MTX2: variants seen among roughly 807,000 people sequenced by gnomAD.
MTX2 encodes metaxin 2.
Under a neutral mutation model 42.3 loss-of-function variants are expected in MTX2, and 35 were observed. The observed-to-expected ratio is 0.83, with a 90% CI of 0.63 to 1.10. MTX2 has a LOEUF of 1.10. MTX2 is among the 50% of genes least tolerant of loss of function. The pLI is 0.00. For missense variants in MTX2, 307 were observed against 304.1 expected (o/e 1.01, Z -0.07); for synonymous variants, 119 against 100.9 (o/e 1.18, Z -1.08).
intron 9 of MTX2, among the ~76,000 whole-genome samples, chr2:176,332,645 G>A (rs1232058372): frequency 6.6e-6 from 1 of 151,254 alleles, no homozygotes; most frequent in East Asian, 1.9e-4. Flanking sequence ...CTCACAGAAA[G>A]AATAATAATT....
At chr2:176,315,651 T>C (rs1192579130) in intron 3 of MTX2, among the ~76,000 whole-genome samples, 1 of 152,176 alleles carries the variant, frequency 6.6e-6, no homozygotes. Context: ...GCCAAAGACT[T>C]CACAATTACC....
intron 4 of MTX2, among the ~76,000 whole-genome samples, chr2:176,325,530 G>GA (rs1272877460): frequency 2.0e-5 from 3 of 151,046 alleles, no homozygotes; most frequent in South Asian, 4.2e-4. Context: ...TTTAAGAAAA[G>GA]AAAAAAAATA....
rs996250769 is a variant in MTX2, at chr2:176,269,675, G to A, written c.40+6G>A. 2 of 1,593,362 alleles carry A rather than the reference G, an allele frequency of 1.3e-6. No homozygotes were observed. The highest frequency in any genetic ancestry group is 1.7e-5 in the Admixed American group (1 of 58,226). ...CTTCGTCTCCCAGATTGCAGGTAGCGCGGCTGGCCGCAGACCCAGAAGGTG... is the reference window on the plus strand; with the variant it reads ...CTTCGTCTCCCAGATTGCAGGTAGCACGGCTGGCCGCAGACCCAGAAGGTG... On this transcript the variant is annotated splice_donor_region_variant and intron_variant, in intron 1 of 9. Transcript: ENST00000249442.
chr2:176,304,367 TACAA>T (rs1684094694), intron 3 of MTX2: 1 of 153,724 alleles, frequency 6.5e-6, no homozygotes, highest in African/African-American at 2.4e-5. Context: ...CATTCACAGG[TACAA>T]AGGAATTTGT....
intron 1 of MTX2, among the ~76,000 whole-genome samples, chr2:176,285,978 A>C (rs2105403084): frequency 6.6e-6 from 1 of 152,354 alleles, no homozygotes; most frequent in South Asian, 2.1e-4. Context: ...TCATGGTCCC[A>C]TCAGCAACGT....
chr2:176,326,791 T>TA (rs1558943522), intron 4 of MTX2, 34 bp from the exon 5 acceptor site: 1 of 1,319,980 alleles, frequency 7.6e-7, no homozygotes. Flanking sequence ...ATACTGGAAG[T>TA]ATTTTTATAA....
rs1408834086 is a variant in MTX2 at position 176,336,855 on chromosome 2, AC to A, written c.621-637del. On this transcript the variant is annotated intron_variant, in intron 9 of 9. Transcript: ENST00000249442. ...TTGATGAATAAAATGATTTTAAAAAACATATCCACGGGGGTCTTTCAAGTAT... is the reference window on the plus strand; with the variant it reads ...TTGATGAATAAAATGATTTTAAAAAAATATCCACGGGGGTCTTTCAAGTAT... 3.3e-5 allele frequency among the ~76,000 whole-genome samples: 5 copies of A among 152,258 alleles called. No individual in the cohort carries two copies. The East Asian group carries it at 9.6e-4, about 29-fold the overall frequency.
rs202061018 is a variant in MTX2 at position 176,330,641 on chromosome 2, C to T, written c.601C>T (p.Pro201Ser). The T allele has an allele frequency of 4.5e-5, 71 of 1,591,824 alleles. 1 individual carries two copies. In the East Asian group the frequency reaches 6.5e-4, roughly 15 times the overall value. The change falls in exon 9 of 10, where the codon CCG becomes TCG. Residue 201 changes from proline to serine, a missense_variant. By Grantham distance (74) the Pro-to-Ser change is moderately conservative. Coordinates refer to ENST00000249442, the MANE Select transcript of MTX2 (RefSeq NM_006554.5). ...QALSQRLGTQ[P>S]YFFNKQPTEL... ...TCTCTCTCAAAGACTGGGAACACAA[C>T]CGTATTTCTTCAATAAGCAGTAAGA...
intron 3 of MTX2, among the ~76,000 whole-genome samples, chr2:176,303,696 C>T (rs1447955539): frequency 6.6e-6 from 1 of 152,004 alleles, no homozygotes; most frequent in Admixed American, 6.6e-5. Context: ...ACTTAAATGG[C>T]ATGGTGTATA....
chr2:176,331,772 T>A (rs1457067216), intron 9 of MTX2, among the ~76,000 whole-genome samples: 2 of 151,212 alleles, frequency 1.3e-5, no homozygotes, highest in Non-Finnish European at 3.0e-5. Flanking sequence ...AAGAGAAATG[T>A]ATCCAAATGT....
At chr2:176,280,746 C>A (rs569801183) in intron 1 of MTX2, among the ~76,000 whole-genome samples, 2 of 152,224 alleles carry the variant, frequency 1.3e-5, no homozygotes, top group South Asian at 2.1e-4. Flanking sequence ...TGTTGCAAAC[C>A]GCACGTAGCA....
intron 1 of MTX2, among the ~76,000 whole-genome samples, chr2:176,274,854 C>T (rs1457356092): frequency 6.6e-6 from 1 of 152,266 alleles, no homozygotes; most frequent in Non-Finnish European, 1.5e-5. Context: ...CTCTTTATGG[C>T]AGCACCTAGA....
intron 9 of MTX2, among the ~76,000 whole-genome samples, chr2:176,332,292 C>T (rs1028652165): frequency 4.0e-5 from 6 of 151,328 alleles, no homozygotes; most frequent in Non-Finnish European, 7.4e-5. Context: ...TGGTATTTCA[C>T]TTCCTTGTGC....
intron 3 of MTX2, among the ~76,000 whole-genome samples, chr2:176,318,026 C>T (rs933090399): frequency 4.6e-5 from 7 of 152,112 alleles, no homozygotes. Flanking sequence ...TCAGCTTCCT[C>T]TGCCCTCTGC....
chr2:176,330,281 T>C (rs1490306275), intron 8 of MTX2, among the ~76,000 whole-genome samples: 1 of 150,854 alleles, frequency 6.6e-6, no homozygotes, highest in Non-Finnish European at 1.5e-5. Context: ...AATGTACTTG[T>C]ATTTTGAAGG....
intron 9 of MTX2, among the ~76,000 whole-genome samples, chr2:176,332,386 G>T (rs34932958): frequency 0.06 from 9,023 of 151,300 alleles, 301 homozygotes; most frequent in Non-Finnish European, 0.08. Context: ...GCCTAAGTCA[G>T]GTATTATACT....
At chr2:176,289,210 G>T (rs1349121374) in intron 1 of MTX2, among the ~76,000 whole-genome samples, 1 of 151,882 alleles carries the variant, frequency 6.6e-6, no homozygotes, top group Non-Finnish European at 1.5e-5. Context: ...TGGGTCACGG[G>T]TGTTGCTTTA....
At chr2:176,326,420 T>C (rs967490692) in intron 4 of MTX2, among the ~76,000 whole-genome samples, 1 of 151,708 alleles carries the variant, frequency 6.6e-6, no homozygotes, top group Non-Finnish European at 1.5e-5. Context: ...CAATATAGAT[T>C]GATTCACTGT....
chr2:176,333,496 A>G (rs930256840), intron 9 of MTX2, among the ~76,000 whole-genome samples: 5 of 151,692 alleles, frequency 3.3e-5, no homozygotes, highest in African/African-American at 9.7e-5. Flanking sequence ...ACTGTCACCT[A>G]TCAACTAAAA....
Sources: allele counts gnomAD v4.1 joint callset (sites outside exome capture counted in the v4.1 genomes callset), GRCh38; gene constraint gnomAD v4.1.1; transcripts MANE v1.5; gene names NCBI Gene and HGNC (gene_info 2026-07-23, HGNC 2026-07-21).